Variants in STK39 observed in about 807,000 individuals in gnomAD.
The protein encoded by STK39 is STE20/SPS1-related proline-alanine-rich protein kinase.
A neutral mutation model predicts 77.8 loss-of-function variants in STK39; 20 were observed. The ratio of observed to expected loss-of-function variants is 0.26; its 90% CI spans 0.18 to 0.37. The LOEUF (loss-of-function observed/expected upper bound fraction) is 0.37. Among genes scored for constraint, STK39 ranks in the 10% least tolerant of loss-of-function variants. The pLI is 1.00. For synonymous variants in STK39, 246 were observed against 234.1 expected (o/e 1.05, Z -0.47); for missense variants, 479 against 656.5 (o/e 0.73, Z 2.95).
chr2:167,994,425 T>TG (rs1553511451), intron 16 of STK39, among the ~76,000 whole-genome samples: 9 of 152,148 alleles, frequency 5.9e-5, no homozygotes, highest in African/African-American at 1.4e-4. Context: ...AATTTGTTTT[T>TG]TGTGTGTGTG....
intron 16 of STK39, among the ~76,000 whole-genome samples, chr2:167,999,622 C>A (rs766551095): frequency 6.6e-6 from 1 of 151,864 alleles, no homozygotes. Flanking sequence ...ACACCACGCC[C>A]GGCTAATTTT....
chr2:168,068,219 G>A (rs138733981), intron 12 of STK39, among the ~76,000 whole-genome samples: 28 of 152,292 alleles, frequency 1.8e-4, no homozygotes, highest in African/African-American at 6.5e-4. Flanking sequence ...CAGAGGAGGA[G>A]GCAGGAACAA....
At chr2:167,959,204 C>T (rs1437012819) in intron 17 of STK39, among the ~76,000 whole-genome samples, 6 of 150,812 alleles carry the variant, frequency 4.0e-5, no homozygotes, top group South Asian at 2.1e-4. Context: ...CTGCAACCTC[C>T]GCCTCCCGGG....
chr2:168,099,590 A>G (rs527400972), intron 10 of STK39, among the ~76,000 whole-genome samples: 2 of 152,352 alleles, frequency 1.3e-5, no homozygotes, highest in Admixed American at 1.3e-4. Context: ...ACTTTTGACA[A>G]TGTAAGTTAA....
chr2:168,061,241 A>AT (rs1685656085), intron 14 of STK39, among the ~76,000 whole-genome samples: 6 of 141,308 alleles, frequency 4.2e-5, no homozygotes. Context: ...AGTGTGGATT[A>AT]CAAAAAAAAA....
At chr2:168,115,497 C>G (rs1176701521) in intron 10 of STK39, among the ~76,000 whole-genome samples, 1 of 152,046 alleles carries the variant, frequency 6.6e-6, no homozygotes, top group East Asian at 1.9e-4. Flanking sequence ...TGTAATAATG[C>G]AAGTACAATG....
At chr2:168,234,947 G>A (rs1690558916) in intron 1 of STK39, among the ~76,000 whole-genome samples, 1 of 150,358 alleles carries the variant, frequency 6.7e-6, no homozygotes, top group Admixed American at 6.6e-5. Context: ...GAGACCAGGA[G>A]TTTCAGACTA....
chr2:168,002,055 A>C (rs1029845394), intron 16 of STK39, among the ~76,000 whole-genome samples: 1 of 152,232 alleles, frequency 6.6e-6, no homozygotes, highest in Non-Finnish European at 1.5e-5. Flanking sequence ...AGGCAATCTA[A>C]AGTAATTGAA....
At chr2:168,142,517 A>C (rs748031727) in intron 5 of STK39, among the ~76,000 whole-genome samples, 1 of 152,336 alleles carries the variant, frequency 6.6e-6, no homozygotes, top group East Asian at 1.9e-4. Context: ...GTCTCTTCCT[A>C]AAAGACATAA....
chr2:168,219,535 T>A (rs556385139), intron 1 of STK39, among the ~76,000 whole-genome samples: 6 of 152,158 alleles, frequency 3.9e-5, no homozygotes, highest in African/African-American at 1.4e-4. Flanking sequence ...GTCTCCTCTA[T>A]CCCTCTACTG....
intron 2 of STK39, among the ~76,000 whole-genome samples, chr2:168,174,481 G>A (rs1453481752): frequency 4.6e-5 from 7 of 152,066 alleles, no homozygotes; most frequent in African/African-American, 1.7e-4. Context: ...ATACAGTAGT[G>A]ATATTGAAAT....
intron 14 of STK39, among the ~76,000 whole-genome samples, chr2:168,038,925 G>A (rs1377531258): frequency 6.6e-6 from 1 of 152,150 alleles, no homozygotes; most frequent in Non-Finnish European, 1.5e-5. Flanking sequence ...AGAGGAACTA[G>A]AATTCTCATA....
intron 7 of STK39, among the ~76,000 whole-genome samples, chr2:168,138,623 C>T (rs1687898798): frequency 6.6e-6 from 1 of 152,176 alleles, no homozygotes; most frequent in Non-Finnish European, 1.5e-5. Flanking sequence ...AAGTAAGGAA[C>T]TGCCTGTACT....
intron 5 of STK39, among the ~76,000 whole-genome samples, chr2:168,150,696 T>C (rs778942704): frequency 4.0e-5 from 6 of 151,512 alleles, no homozygotes; most frequent in Non-Finnish European, 7.4e-5. Context: ...GCAATGGCAA[T>C]AACCACATTA....
At chr2:168,057,648 C>T (rs1249970509) in intron 14 of STK39, among the ~76,000 whole-genome samples, 1 of 152,214 alleles carries the variant, frequency 6.6e-6, no homozygotes, top group East Asian at 1.9e-4. Flanking sequence ...AATCCTTCTG[C>T]ATTTCCCTAG....
chr2:168,090,795 T>TA lies in STK39; in HGVS notation c.1090-15565dup, dbSNP rs138044953. On this transcript the variant is annotated intron_variant, in intron 10 of 17. Transcript: ENST00000355999. ...GGCCTTTTCGCTGTGGGGATGTGGT[T>TA]AATAGTGATGAGTATAGGGAGGCTG... Among the ~76,000 whole-genome samples, 228 of 152,256 alleles carry TA rather than the reference T, an allele frequency of 1.5e-3. 1 individual carries two copies. Among genetic ancestry groups the TA allele is most frequent in the African/African-American group, 5.2e-3 (216 of 41,550 alleles).
chr2:168,000,943 G>A (rs1455562996), intron 16 of STK39, among the ~76,000 whole-genome samples: 1 of 152,162 alleles, frequency 6.6e-6, no homozygotes, highest in Non-Finnish European at 1.5e-5. Context: ...AATTCTACAA[G>A]GATAAAGATT....
At chr2:168,236,833 G>T (rs1690624439) in intron 1 of STK39, among the ~76,000 whole-genome samples, 1 of 152,130 alleles carries the variant, frequency 6.6e-6, no homozygotes, top group Non-Finnish European at 1.5e-5. Context: ...CCAGTACCAT[G>T]CTGTTTTGGT....
chr2:168,156,156 G>A (rs1688423641), intron 5 of STK39, among the ~76,000 whole-genome samples: 1 of 152,182 alleles, frequency 6.6e-6, no homozygotes, highest in Non-Finnish European at 1.5e-5. Flanking sequence ...GGTGGGCATG[G>A]TGGAGGAAAT....
Sources: allele counts gnomAD v4.1 joint callset (sites outside exome capture counted in the v4.1 genomes callset), GRCh38; gene constraint gnomAD v4.1.1; transcripts MANE v1.5; gene names NCBI Gene and HGNC (gene_info 2026-07-23, HGNC 2026-07-21).